Variants in XPO6 observed in about 807,000 individuals in gnomAD.
The protein encoded by XPO6 is exportin-6.
A neutral mutation model predicts 130.0 loss-of-function variants in XPO6; 3 were observed. That is an observed-to-expected ratio of 0.02 (90% confidence interval 0.01 to 0.06). XPO6 has a LOEUF of 0.06. XPO6 is among the 10% of genes least tolerant of loss of function. The pLI is 1.00. For synonymous variants in XPO6, 524 were observed against 548.9 expected (o/e 0.95, Z 0.63); for missense variants, 970 against 1,393.0 (o/e 0.70, Z 4.83).
At chr16:28,138,358 A>T (rs1374377298) in intron 9 of XPO6, among the ~76,000 whole-genome samples, 1 of 152,226 alleles carries the variant, frequency 6.6e-6, no homozygotes, top group Non-Finnish European at 1.5e-5. Flanking sequence ...TTTGTCATCT[A>T]TAAATTGTCT....
chr16:28,113,089 TG>T, intron 15 of XPO6, 39 bp from the exon 16 acceptor site: 1 of 1,593,710 alleles, frequency 6.3e-7, no homozygotes, highest in Non-Finnish European at 8.6e-7. Context: ...ACCACATCCC[TG>T]TAAGACTGGG....
intron 4 of XPO6, among the ~76,000 whole-genome samples, chr16:28,172,162 T>C (rs1042905600): frequency 6.6e-6 from 1 of 152,342 alleles, no homozygotes; most frequent in East Asian, 1.9e-4. Flanking sequence ...AAGAAAGCTA[T>C]TCTTTACTTG....
intron 1 of XPO6, among the ~76,000 whole-genome samples, chr16:28,186,070 T>C (rs1196459523): frequency 6.6e-6 from 1 of 152,152 alleles, no homozygotes; most frequent in Non-Finnish European, 1.5e-5. Flanking sequence ...CCAAGACCCA[T>C]AATCACCTAA....
chr16:28,180,823 G>A (rs1452339572), intron 2 of XPO6, 118 bp downstream of exon 2: 1 of 733,422 alleles, frequency 1.4e-6, no homozygotes, highest in Non-Finnish European at 2.1e-6. Context: ...AGCGAAAAGA[G>A]CAAGAATTCA....
chr16:28,099,819 C>T (rs1418976234), intron 23 of XPO6, among the ~76,000 whole-genome samples: 2 of 152,204 alleles, frequency 1.3e-5, no homozygotes, highest in Non-Finnish European at 2.9e-5. Context: ...TTCAAACACA[C>T]AGTGCGTGAC....
At chr16:28,155,387 T>A (rs1188662226) in intron 7 of XPO6, among the ~76,000 whole-genome samples, 32 of 151,812 alleles carry the variant, frequency 2.1e-4, no homozygotes, top group Admixed American at 1.7e-3. Context: ...AATGACCTCA[T>A]CTGCAAGAGA....
At position 28,153,705 on chromosome 16, in the gene XPO6, A is replaced by G. The variant is rs2141821076; in HGVS notation, c.1098-920T>C. The stretch of plus-strand genomic sequence containing the variant: ...AGATGGCCATACCTTCATAAATCAC[A>G]TTTCAGAGACCAACACAAAAAGGTA... On this transcript the variant is annotated intron_variant, in intron 7 of 23. Coordinates refer to ENST00000304658, the MANE Select transcript of XPO6 (RefSeq NM_015171.4). The G allele has an allele frequency of 4.1e-6, 4 of 985,464 alleles. No individual in the cohort carries two copies. The South Asian group carries it at 1.9e-4, about 46-fold the overall frequency. The allele number at this position is 985,464 out of a possible 1,614,324, so 61.0% of individuals were successfully genotyped here.
chr16:28,207,494 A>G (rs1376109370), intron 1 of XPO6, among the ~76,000 whole-genome samples: 1 of 152,236 alleles, frequency 6.6e-6, no homozygotes, highest in Non-Finnish European at 1.5e-5. Flanking sequence ...AAATACAGTT[A>G]TAGTATGCTA....
chr16:28,141,732 G>A (rs1319788363), intron 9 of XPO6, among the ~76,000 whole-genome samples: 2 of 152,154 alleles, frequency 1.3e-5, no homozygotes, highest in Non-Finnish European at 1.5e-5. Context: ...AGGCCGAGGC[G>A]GGTGGATCAT....
Position 28,186,509 on chromosome 16 carries a change from T to C in XPO6, c.4-5478A>G, listed in dbSNP as rs1437891388. On this transcript the variant is annotated intron_variant, in intron 1 of 23. Transcript: ENST00000304658. ...TGCCTCAGCTTCAAATAGCTGAGAC[T>C]ACAGGCACATGCCACCACATCTGGC... Among the ~76,000 whole-genome samples the C allele has an allele frequency of 4.6e-5, 7 of 151,334 alleles. No homozygotes were observed. The East Asian group carries it at 7.9e-4, about 17-fold the overall frequency.
intron 15 of XPO6, among the ~76,000 whole-genome samples, chr16:28,114,055 G>T (rs976730876): frequency 1.3e-5 from 2 of 152,030 alleles, no homozygotes; most frequent in Non-Finnish European, 2.9e-5. Flanking sequence ...TAACATAATA[G>T]AATCTGTCCA....
intron 15 of XPO6, 89 bp from the exon 16 acceptor site, chr16:28,113,139 T>A: frequency 6.7e-7 from 1 of 1,486,842 alleles, no homozygotes; most frequent in Non-Finnish European, 9.0e-7. Context: ...CTATGTGTCA[T>A]TCTTGGTTTC....
chr16:28,211,671 G>A lies in XPO6; in HGVS notation c.-303C>T. Reference sequence around the variant, plus strand: ...GCAGCTGCTCGGGACCCCCGCCCGGGCCCGACCCCCGCGGGGGAGGCTGCG... The same window carrying A: ...GCAGCTGCTCGGGACCCCCGCCCGGACCCGACCCCCGCGGGGGAGGCTGCG... On this transcript the variant is annotated 5_prime_UTR_variant, in exon 1 of 24. Coordinates refer to ENST00000304658, the MANE Select transcript of XPO6 (RefSeq NM_015171.4). The A allele has an allele frequency of 2.5e-6, 1 of 396,116 alleles. No homozygotes were observed. The highest frequency in any genetic ancestry group is 1.4e-4 in the South Asian group (1 of 7,326). 24.5% of individuals were successfully genotyped at this position (396,116 alleles called of 1,614,324 possible). A position where few individuals can be genotyped will look rare whatever the true frequency, so the allele number is the denominator to read the frequency against.
intron 6 of XPO6, among the ~76,000 whole-genome samples, chr16:28,160,619 T>C (rs1266619868): frequency 6.6e-6 from 1 of 152,014 alleles, no homozygotes; most frequent in Non-Finnish European, 1.5e-5. Flanking sequence ...ATGTCTGGAG[T>C]GATCAAATAT....
chr16:28,157,640 C>T (rs1191972539), intron 6 of XPO6, among the ~76,000 whole-genome samples: 1 of 152,168 alleles, frequency 6.6e-6, no homozygotes, highest in African/African-American at 2.4e-5. Flanking sequence ...AGTACAAAAA[C>T]AGGCAGTTGA....
chr16:28,186,970 G>C (rs1459266397), intron 1 of XPO6, among the ~76,000 whole-genome samples: 1 of 152,208 alleles, frequency 6.6e-6, no homozygotes, highest in Non-Finnish European at 1.5e-5. Flanking sequence ...TGATGAGTAA[G>C]ACGGTCCCTA....
intron 1 of XPO6, among the ~76,000 whole-genome samples, chr16:28,200,842 G>A (rs1166202214): frequency 6.6e-6 from 1 of 152,020 alleles, no homozygotes; most frequent in African/African-American, 2.4e-5. Context: ...TACCTGGCAG[G>A]GTGGCTATGA....
At chr16:28,190,896 C>T (rs2043776300) in intron 1 of XPO6, among the ~76,000 whole-genome samples, 1 of 2,098 alleles carries the variant, frequency 4.8e-4, no homozygotes, top group African/African-American at 7.8e-4. Context: ...AAAGAGGGAA[C>T]GTGCAAATAA....
At chr16:28,178,323 C>G (rs1310693904) in intron 2 of XPO6, among the ~76,000 whole-genome samples, 1 of 152,108 alleles carries the variant, frequency 6.6e-6, no homozygotes, top group East Asian at 1.9e-4. Context: ...AATCCCAGCA[C>G]TTTGAGAAGC....
Sources: allele counts gnomAD v4.1 joint callset (sites outside exome capture counted in the v4.1 genomes callset), GRCh38; gene constraint gnomAD v4.1.1; transcripts MANE v1.5; gene names NCBI Gene and HGNC (gene_info 2026-07-23, HGNC 2026-07-21).